The following KIAA1328 variants were observed in gnomAD, a reference collection of about 807,000 sequenced individuals.
The protein encoded by KIAA1328 is protein hinderin.
KIAA1328 carries 52 observed loss-of-function variants against 68.1 expected under a neutral mutation model. The observed-to-expected ratio is 0.76, with a 90% CI of 0.61 to 0.96. KIAA1328 has a LOEUF of 0.96. Among genes scored for constraint, KIAA1328 ranks in the 40% least tolerant of loss-of-function variants. KIAA1328 has a pLI of 0.00. For missense variants in KIAA1328, 641 were observed against 677.6 expected, an observed-to-expected ratio of 0.95 and a Z score of 0.60; for synonymous variants, 232 against 239.4, an observed-to-expected ratio of 0.97 and a Z score of 0.28.
chr18:36,999,825 C>A (rs780538326), intron 6 of KIAA1328, among the ~76,000 whole-genome samples: 2 of 151,872 alleles, frequency 1.3e-5, no homozygotes, highest in Non-Finnish European at 2.9e-5. Flanking sequence ...CATGAAAACA[C>A]ATGAAAGTAT....
At chr18:37,059,822 A>C (rs539448943) in intron 6 of KIAA1328, among the ~76,000 whole-genome samples, 1 of 152,346 alleles carries the variant, frequency 6.6e-6, no homozygotes, top group African/African-American at 2.4e-5. Context: ...GGATAAAGAA[A>C]ATGTGGCACA....
intron 9 of KIAA1328, among the ~76,000 whole-genome samples, chr18:37,185,027 G>T (rs765460351): frequency 6.6e-6 from 1 of 151,992 alleles, no homozygotes; most frequent in Non-Finnish European, 1.5e-5. Flanking sequence ...TTAGCTGGGC[G>T]TGGTGGCGGG....
At chr18:37,146,323 T>C (rs185687819) in intron 7 of KIAA1328, among the ~76,000 whole-genome samples, 1 of 152,276 alleles carries the variant, frequency 6.6e-6, no homozygotes, top group East Asian at 1.9e-4. Flanking sequence ...CTCCCACTTA[T>C]AAGTGAGAGC....
chr18:37,203,797 C>A (rs1048524061), intron 9 of KIAA1328, among the ~76,000 whole-genome samples: 1 of 151,768 alleles, frequency 6.6e-6, no homozygotes, highest in African/African-American at 2.4e-5. Context: ...TGGCTACCTA[C>A]CTAGAACCCA....
chr18:36,967,145 G>T (rs548583251), intron 6 of KIAA1328, among the ~76,000 whole-genome samples: 1 of 152,222 alleles, frequency 6.6e-6, no homozygotes, highest in East Asian at 1.9e-4. Context: ...TGGTAGGCCC[G>T]ATCTAATAAA....
chr18:36,889,153 A>C (rs957300361), intron 5 of KIAA1328, among the ~76,000 whole-genome samples: 1 of 152,228 alleles, frequency 6.6e-6, no homozygotes, highest in Non-Finnish European at 1.5e-5. Context: ...AGTAACATTC[A>C]GTCTTTAAGC....
At chr18:36,909,948 T>C (rs1250044720) in intron 5 of KIAA1328, among the ~76,000 whole-genome samples, 2 of 152,236 alleles carry the variant, frequency 1.3e-5, no homozygotes, top group Admixed American at 1.3e-4. Flanking sequence ...GAAGTGTCTG[T>C]TCATATCCTT....
At chr18:36,834,435 G>A in intron 2 of KIAA1328, 80 bp downstream of exon 2, 1 of 1,251,856 alleles carries the variant, frequency 8.0e-7, no homozygotes, top group South Asian at 1.8e-5. Context: ...TTAGAACAAT[G>A]TTGCGGGTAT....
intron 7 of KIAA1328, among the ~76,000 whole-genome samples, chr18:37,081,511 A>G (rs2056948667): frequency 6.6e-6 from 1 of 152,214 alleles, no homozygotes; most frequent in South Asian, 2.1e-4. Context: ...CCTTCTGCAC[A>G]TTAATATCAT....
rs997001417 is a variant in KIAA1328 at position 37,212,824 on chromosome 18, G to T, written c.1524-9193G>T. On this transcript the variant is annotated intron_variant, in intron 9 of 9. Coordinates refer to ENST00000280020, the MANE Select transcript of KIAA1328 (RefSeq NM_020776.3). The stretch of plus-strand genomic sequence containing the variant: ...CAACCTCCACCTCCTGGGTTCAAAC[G>T]ATTCTGCTGCCTCAGCCTCCCGAGT... Among the ~76,000 whole-genome samples, 6 of 152,116 alleles carry T rather than the reference G, an allele frequency of 3.9e-5. No individual in the cohort carries two copies. The East Asian group carries it at 1.2e-3, about 29-fold the overall frequency.
chr18:37,177,023 G>A (rs533943096), intron 9 of KIAA1328, among the ~76,000 whole-genome samples: 10 of 152,228 alleles, frequency 6.6e-5, no homozygotes, highest in South Asian at 2.1e-4. Flanking sequence ...GTATTTCTTC[G>A]TTATAAATAG....
intron 7 of KIAA1328, among the ~76,000 whole-genome samples, chr18:37,083,610 A>G (rs1243667685): frequency 6.6e-6 from 1 of 152,184 alleles, no homozygotes; most frequent in Non-Finnish European, 1.5e-5. Flanking sequence ...TGATGGATAC[A>G]GTGTCTTCCA....
At chr18:36,991,415 G>C (rs1241482297) in intron 6 of KIAA1328, among the ~76,000 whole-genome samples, 1 of 152,078 alleles carries the variant, frequency 6.6e-6, no homozygotes, top group East Asian at 1.9e-4. Flanking sequence ...TATGAATTCT[G>C]TTAACTAACC....
At chr18:36,858,638 T>TC (rs1210947108) in intron 4 of KIAA1328, among the ~76,000 whole-genome samples, 1 of 152,208 alleles carries the variant, frequency 6.6e-6, no homozygotes, top group Admixed American at 6.5e-5. Flanking sequence ...TTCTTAATCT[T>TC]CCCCAATATA....
chr18:36,864,304 G>GTT (rs201692806), intron 4 of KIAA1328, among the ~76,000 whole-genome samples: 34 of 138,940 alleles, frequency 2.4e-4, no homozygotes, highest in South Asian at 7.0e-4. Context: ...TGTTATAATT[G>GTT]TTTTTTTTTT....
chr18:37,160,451 C>G, intron 8 of KIAA1328, 70 bp downstream of exon 8: 1 of 1,395,734 alleles, frequency 7.2e-7, no homozygotes, highest in Admixed American at 2.1e-5. Context: ...CAATGAATTT[C>G]AGATGATTTC....
At chr18:36,959,270 C>G in intron 5 of KIAA1328, 38 bp from the exon 6 acceptor site, 2 of 1,526,646 alleles carry the variant, frequency 1.3e-6, no homozygotes, top group South Asian at 1.3e-5. Flanking sequence ...CAGTTTGAAT[C>G]AATTTTTCAG....
intron 7 of KIAA1328, among the ~76,000 whole-genome samples, chr18:37,097,547 G>T (rs2057451235): frequency 2.0e-5 from 3 of 152,158 alleles, no homozygotes; most frequent in Admixed American, 6.5e-5. Flanking sequence ...GGATTGACTT[G>T]GTAATGTGGG....
intron 8 of KIAA1328, among the ~76,000 whole-genome samples, chr18:37,171,919 G>A (rs991292612): frequency 5.9e-5 from 9 of 152,056 alleles, no homozygotes; most frequent in Non-Finnish European, 1.0e-4. Context: ...ATAAACAAAC[G>A]AACAAACAGA....
Sources: allele counts gnomAD v4.1 joint callset (sites outside exome capture counted in the v4.1 genomes callset), GRCh38; gene constraint gnomAD v4.1.1; transcripts MANE v1.5; gene names NCBI Gene and HGNC (gene_info 2026-07-23, HGNC 2026-07-21).